Variants in SGCZ observed in about 807,000 individuals in gnomAD.
The protein encoded by SGCZ is sarcoglycan zeta, also known as zeta-sarcoglycan.
In SGCZ, 40 loss-of-function variants were observed where a neutral mutation model predicts 41.3. The ratio of observed to expected loss-of-function variants is 0.97; its 90% confidence interval spans 0.75 to 1.26. SGCZ has a LOEUF of 1.26. SGCZ is among the 50% of genes most tolerant of loss of function. The pLI is 0.00. For missense variants in SGCZ, 552 were observed against 369.8 expected (o/e 1.49, Z -4.04); for synonymous variants, 206 against 137.5 (o/e 1.50, Z -3.49).
chr8:14,232,855 A>G (rs1313299924), intron 4 of SGCZ, among the ~76,000 whole-genome samples: 2 of 152,114 alleles, frequency 1.3e-5, no homozygotes, highest in Non-Finnish European at 2.9e-5. Context: ...GATCCTATTT[A>G]AAGCATAAGA....
chr8:14,269,841 T>C (rs937143479), intron 3 of SGCZ, among the ~76,000 whole-genome samples: 1 of 152,184 alleles, frequency 6.6e-6, no homozygotes, highest in African/African-American at 2.4e-5. Context: ...CTTGATATCC[T>C]TTCAATAATT....
intron 1 of SGCZ, among the ~76,000 whole-genome samples, chr8:15,127,099 C>T (rs930253047): frequency 1.3e-5 from 2 of 152,054 alleles, no homozygotes; most frequent in African/African-American, 4.8e-5. Flanking sequence ...TTTAAATTGC[C>T]AAATATATAT....
At chr8:14,551,532 T>TG (rs1803840278) in intron 2 of SGCZ, among the ~76,000 whole-genome samples, 1 of 5,658 alleles carries the variant, frequency 1.8e-4, no homozygotes, top group African/African-American at 5.6e-4. Flanking sequence ...ATAATATATA[T>TG]AATATATATA....
At chr8:15,173,738 A>T (rs1055097713) in intron 1 of SGCZ, among the ~76,000 whole-genome samples, 1 of 152,114 alleles carries the variant, frequency 6.6e-6, no homozygotes, top group African/African-American at 2.4e-5. Context: ...CTCAGACTCA[A>T]GTTCTTCGTT....
At chr8:14,841,564 A>C (rs1802916320) in intron 1 of SGCZ, among the ~76,000 whole-genome samples, 1 of 152,180 alleles carries the variant, frequency 6.6e-6, no homozygotes, top group Non-Finnish European at 1.5e-5. Flanking sequence ...TTTCCATAAG[A>C]AAAAATACAT....
chr8:14,860,604 G>T (rs1803699136), intron 1 of SGCZ, among the ~76,000 whole-genome samples: 2 of 141,678 alleles, frequency 1.4e-5, no homozygotes, highest in South Asian at 4.6e-4. Flanking sequence ...AAAGGAAAAT[G>T]AAAAAGACAA....
In SGCZ at chr8:14,880,592, G is replaced by T. The variant is rs530511591; in HGVS notation, c.40-325666C>A. 2.0e-5 allele frequency among the ~76,000 whole-genome samples: 3 copies of T among 152,254 alleles called. No individual in the cohort carries two copies. The South Asian group carries it at 6.2e-4, about 32-fold the overall frequency. On this transcript the variant is annotated intron_variant, in intron 1 of 7. Transcript: ENST00000382080. ...TGATAGACTGGATTAAGAAAATGTG[G>T]CACATATACACCATGTGATACTATG...
intron 5 of SGCZ, chr8:14,161,152 C>G (rs1293607888): frequency 1.3e-5 from 2 of 152,188 alleles, no homozygotes; most frequent in African/African-American, 4.8e-5. Flanking sequence ...TCAAATGATT[C>G]AAGCACTGCT....
intron 1 of SGCZ, among the ~76,000 whole-genome samples, chr8:14,851,322 T>TCC (rs1803313102): frequency 8.3e-6 from 1 of 120,926 alleles, no homozygotes; most frequent in South Asian, 2.6e-4. Flanking sequence ...TAAGCCAAGA[T>TCC]CATGCCACTG....
intron 1 of SGCZ, among the ~76,000 whole-genome samples, chr8:14,939,799 C>T (rs1356244161): frequency 6.6e-6 from 1 of 152,108 alleles, no homozygotes; most frequent in African/African-American, 2.4e-5. Context: ...TTTCCACTCA[C>T]ACACACCACT....
intron 1 of SGCZ, among the ~76,000 whole-genome samples, chr8:14,577,737 C>G (rs1006879796): frequency 3.9e-5 from 6 of 152,150 alleles, no homozygotes; most frequent in Non-Finnish European, 5.9e-5. Context: ...TCCTTCCAAT[C>G]TGCTCATAAT....
At chr8:14,539,810 T>G (rs1803404940) in intron 2 of SGCZ, among the ~76,000 whole-genome samples, 1 of 151,996 alleles carries the variant, frequency 6.6e-6, no homozygotes, top group African/African-American at 2.4e-5. Context: ...GGTTTTCCAT[T>G]CCTGTTAGTT....
rs150950607 is a variant in SGCZ at position 14,913,844 on chromosome 8, C to T, written c.39+323741G>A. On this transcript the variant is annotated intron_variant, in intron 1 of 7. Coordinates refer to ENST00000382080, the MANE Select transcript of SGCZ (RefSeq NM_139167.4). The stretch of plus-strand genomic sequence containing the variant: ...CTTTAGTCATAGGTTTTCCAAGTGA[C>T]GTTGCTTAACAGAAGAATCTATGCA... Among the ~76,000 whole-genome samples the T allele has an allele frequency of 3.9e-3, 594 of 151,064 alleles. 7 individuals are homozygous for T. The highest frequency in any genetic ancestry group is 0.013 in the African/African-American group (559 of 41,458).
rs767829531 is a variant in SGCZ, at chr8:15,200,311, G to A, written c.39+37274C>T. 2.7e-4 allele frequency among the ~76,000 whole-genome samples: 41 copies of A among 152,328 alleles called. No individual in the cohort carries two copies. The Middle Eastern group carries it at 0.014, about 51-fold the overall frequency. ...TGGATCTAAACATTTGAAGAATTCA[G>A]TAACAACCTCATTAGAATTCTACCA... On this transcript the variant is annotated intron_variant, in intron 1 of 7. Coordinates refer to ENST00000382080, the MANE Select transcript of SGCZ (RefSeq NM_139167.4).
At chr8:14,841,884 A>C (rs1802928314) in intron 1 of SGCZ, among the ~76,000 whole-genome samples, 1 of 152,184 alleles carries the variant, frequency 6.6e-6, no homozygotes, top group Admixed American at 6.5e-5. Flanking sequence ...ATGAGAACTG[A>C]GGCCACCTGA....
chr8:14,332,985 A>C (rs1802391520), intron 2 of SGCZ, among the ~76,000 whole-genome samples: 1 of 151,478 alleles, frequency 6.6e-6, no homozygotes, highest in South Asian at 2.1e-4. Context: ...AGAACGGACC[A>C]TAGCTATTCA....
At chr8:14,209,670 T>G (rs1469630714) in intron 4 of SGCZ, among the ~76,000 whole-genome samples, 1 of 152,194 alleles carries the variant, frequency 6.6e-6, no homozygotes, top group Non-Finnish European at 1.5e-5. Flanking sequence ...AATATCCTTT[T>G]TATTAGCTAT....
chr8:15,180,781 G>A (rs937570246), intron 1 of SGCZ, among the ~76,000 whole-genome samples: 24 of 151,948 alleles, frequency 1.6e-4, no homozygotes, highest in African/African-American at 5.8e-4. Context: ...CAGCTACTCA[G>A]GAGGCTGAGG....
At chr8:14,523,219 G>A (rs79444721) in intron 2 of SGCZ, among the ~76,000 whole-genome samples, 5,025 of 151,862 alleles carry the variant, frequency 0.033, 266 homozygotes, top group African/African-American at 0.11. Flanking sequence ...AGAAAAGATG[G>A]GAAAATCTAT....
Sources: allele counts gnomAD v4.1 joint callset (sites outside exome capture counted in the v4.1 genomes callset), GRCh38; gene constraint gnomAD v4.1.1; transcripts MANE v1.5; gene names NCBI Gene and HGNC (gene_info 2026-07-23, HGNC 2026-07-21).